TGFB2: variants seen among roughly 807,000 people sequenced by gnomAD.
TGFB2 encodes the protein transforming growth factor beta-2 proprotein.
In TGFB2, 13 loss-of-function variants were observed where a neutral mutation model predicts 42.7. That is an observed-to-expected ratio of 0.30 (90% CI 0.20 to 0.48). TGFB2 has a LOEUF of 0.48. TGFB2 is among the 20% of genes least tolerant of loss of function. TGFB2 has a pLI of 0.99. For synonymous variants in TGFB2, 193 were observed against 193.6 expected, an observed-to-expected ratio of 1.00 and a Z score of 0.03; for missense variants, 390 against 517.5, an observed-to-expected ratio of 0.75 and a Z score of 2.39.
chr1:218,409,381 C>T (rs1168367039), intron 2 of TGFB2, among the ~76,000 whole-genome samples: 1 of 152,188 alleles, frequency 6.6e-6, no homozygotes, highest in Non-Finnish European at 1.5e-5. Flanking sequence ...CACTCTTTAT[C>T]TCTTTGGCTT....
At chr1:218,407,897 A>G (rs924050061) in intron 2 of TGFB2, among the ~76,000 whole-genome samples, 1 of 152,188 alleles carries the variant, frequency 6.6e-6, no homozygotes, top group African/African-American at 2.4e-5. Flanking sequence ...TAATATTTGG[A>G]GGGGAAGCAA....
intron 1 of TGFB2, among the ~76,000 whole-genome samples, chr1:218,371,948 C>T (rs1001552195): frequency 6.6e-6 from 1 of 152,142 alleles, no homozygotes; most frequent in South Asian, 2.1e-4. Flanking sequence ...CTGTTGTTTC[C>T]GGTGAGCAAA....
At chr1:218,393,231 G>A (rs1658376290) in intron 1 of TGFB2, among the ~76,000 whole-genome samples, 1 of 152,206 alleles carries the variant, frequency 6.6e-6, no homozygotes, top group South Asian at 2.1e-4. Context: ...GGATAAGAGT[G>A]CTTTCTTTGC....
intron 1 of TGFB2, among the ~76,000 whole-genome samples, chr1:218,389,979 C>T (rs1485480441): frequency 6.6e-6 from 1 of 152,010 alleles, no homozygotes; most frequent in Non-Finnish European, 1.5e-5. Context: ...TGTAAAATTC[C>T]CATCTCTATA....
chr1:218,426,641 A>AT (rs1411445668), intron 2 of TGFB2, among the ~76,000 whole-genome samples: 3 of 152,230 alleles, frequency 2.0e-5, no homozygotes, highest in African/African-American at 7.2e-5. Context: ...GCTAAATCTT[A>AT]TTTTTAATAC....
At chr1:218,416,813 A>T (rs2096038) in intron 2 of TGFB2, among the ~76,000 whole-genome samples, 1 of 151,942 alleles carries the variant, frequency 6.6e-6, no homozygotes, top group African/African-American at 2.4e-5. Context: ...AGTCTTTCCC[A>T]TGCTGCTCTT....
At chr1:218,396,231 C>G (rs1044780766) in intron 1 of TGFB2, among the ~76,000 whole-genome samples, 5 of 152,146 alleles carry the variant, frequency 3.3e-5, no homozygotes, top group African/African-American at 1.2e-4. Context: ...AATATGGAAC[C>G]AAGTAACAAG....
chr1:218,419,507 T>C (rs1182487811), intron 2 of TGFB2, among the ~76,000 whole-genome samples: 2 of 152,198 alleles, frequency 1.3e-5, no homozygotes, highest in East Asian at 1.9e-4. Context: ...TTTATGTTGT[T>C]TATAATCTTA....
At chr1:218,348,355 A>C (rs1358716832) in intron 1 of TGFB2, among the ~76,000 whole-genome samples, 1 of 152,164 alleles carries the variant, frequency 6.6e-6, no homozygotes, top group African/African-American at 2.4e-5. Flanking sequence ...TAAAGGTTCT[A>C]GTTGCAGGGT....
intron 2 of TGFB2, among the ~76,000 whole-genome samples, chr1:218,431,336 G>A (rs1890995): frequency 0.33 from 50,412 of 152,014 alleles, 9,120 homozygotes; most frequent in East Asian, 0.71. Context: ...CTGCTCTTTG[G>A]ACTCTTTCCA....
At chr1:218,376,328 A>C (rs925822438) in intron 1 of TGFB2, among the ~76,000 whole-genome samples, 29 of 152,234 alleles carry the variant, frequency 1.9e-4, no homozygotes, top group African/African-American at 5.3e-4. Flanking sequence ...AGCCACCTCA[A>C]TTCCTTGTCA....
chr1:218,377,386 A>G (rs921650744), intron 1 of TGFB2, among the ~76,000 whole-genome samples: 2 of 152,268 alleles, frequency 1.3e-5, no homozygotes, highest in Non-Finnish European at 2.9e-5. Flanking sequence ...TGACATTCTC[A>G]GACACTGAAA....
chr1:218,385,342 A>G (rs536631276), intron 1 of TGFB2, among the ~76,000 whole-genome samples: 1 of 152,338 alleles, frequency 6.6e-6, no homozygotes, highest in Admixed American at 6.5e-5. Flanking sequence ...TGTACTTATC[A>G]TTTTGCATTT....
chr1:218,363,953 A>G (rs968989331), intron 1 of TGFB2, among the ~76,000 whole-genome samples: 5 of 152,158 alleles, frequency 3.3e-5, no homozygotes, highest in African/African-American at 1.2e-4. Flanking sequence ...ATGCGGCCCA[A>G]TGTAAATTTG....
At chr1:218,395,320 A>T (rs999538966) in intron 1 of TGFB2, among the ~76,000 whole-genome samples, 2 of 152,186 alleles carry the variant, frequency 1.3e-5, no homozygotes, top group Non-Finnish European at 2.9e-5. Flanking sequence ...CCGTGAAAAT[A>T]CTATGGCCTT....
chr1:218,418,748 AATAAGTCTCATGATATCATG>A (rs1201640385), intron 2 of TGFB2, among the ~76,000 whole-genome samples: 1 of 152,094 alleles, frequency 6.6e-6, no homozygotes, highest in Non-Finnish European at 1.5e-5. Flanking sequence ...CGTAATCGTG[AATAAGTCTCATGATATCATG>A]ATAAGTCTCA....
chr1:218,355,980 A>G (rs1379436503), intron 1 of TGFB2, among the ~76,000 whole-genome samples: 1 of 152,218 alleles, frequency 6.6e-6, no homozygotes, highest in Non-Finnish European at 1.5e-5. Flanking sequence ...TGCACATGGT[A>G]TAGAGTGCTA....
intron 2 of TGFB2, among the ~76,000 whole-genome samples, chr1:218,410,107 G>C (rs1659047531): frequency 6.6e-6 from 1 of 152,170 alleles, no homozygotes. Flanking sequence ...GAGCTCTCCT[G>C]GTGACTCACA....
intron 1 of TGFB2, among the ~76,000 whole-genome samples, chr1:218,395,140 T>A (rs6604609): frequency 0.15 from 23,226 of 151,870 alleles, 3,216 homozygotes; most frequent in African/African-American, 0.38. Flanking sequence ...TGTGGGCTTG[T>A]GAATAAGAGC....
Sources: allele counts gnomAD v4.1 joint callset (sites outside exome capture counted in the v4.1 genomes callset), GRCh38; gene constraint gnomAD v4.1.1; transcripts MANE v1.5; gene names NCBI Gene and HGNC (gene_info 2026-07-23, HGNC 2026-07-21).